The following SLC13A1 variants were observed in gnomAD, a reference collection of about 807,000 sequenced individuals.
SLC13A1 encodes solute carrier family 13 member 1.
SLC13A1 carries 65 observed loss-of-function variants against 70.0 expected under a neutral mutation model. The ratio of observed to expected loss-of-function variants is 0.93; its 90% CI spans 0.76 to 1.14. SLC13A1 has a LOEUF of 1.14. SLC13A1 is among the 50% of genes most tolerant of loss of function. The pLI is 0.00. For missense variants in SLC13A1, 726 were observed against 717.8 expected, an observed-to-expected ratio of 1.01 and a Z score of -0.13; for synonymous variants, 275 against 250.5, an observed-to-expected ratio of 1.10 and a Z score of -0.92.
At chr7:123,149,366 T>C in intron 6 of SLC13A1, 1 of 397,330 alleles carries the variant, frequency 2.5e-6, no homozygotes, top group South Asian at 1.8e-5. Flanking sequence ...TGTCAAACAC[T>C]AATCCGTTGA....
intron 1 of SLC13A1, among the ~76,000 whole-genome samples, chr7:123,184,506 C>T (rs1309362333): frequency 6.6e-6 from 1 of 152,052 alleles, no homozygotes; most frequent in African/African-American, 2.4e-5. Flanking sequence ...ACATCACATG[C>T]TATTTGTCTT....
At chr7:123,145,246 A>G (rs1056519217) in intron 7 of SLC13A1, among the ~76,000 whole-genome samples, 1 of 152,144 alleles carries the variant, frequency 6.6e-6, no homozygotes, top group Non-Finnish European at 1.5e-5. Context: ...TATCATCCCC[A>G]TTTTACAGAA....
chr7:123,168,541 T>G lies in SLC13A1; in HGVS notation c.574A>C (p.Ile192Leu), dbSNP rs1349536410. Residue 192 changes from isoleucine to leucine, a missense_variant, in exon 5 of 15, where the codon ATA becomes CTA. Physicochemically the swap from Ile to Leu is conservative, Grantham distance 5. Coordinates refer to ENST00000194130, the MANE Select transcript of SLC13A1 (RefSeq NM_022444.4). ...TTTGTTTTCTCTTTCCTCTCATTTATTTCATGTCCATTAACACTTTCTGCA... is the reference window on the plus strand; with the variant it reads ...TTTGTTTTCTCTTTCCTCTCATTTAGTTCATGTCCATTAACACTTTCTGCA... ...EIDESVNGHE[I>L]NERKEKTKPV... is the part of the protein sequence containing the mutation. 3 of 1,609,824 alleles carry G rather than the reference T, an allele frequency of 1.9e-6. No homozygotes were observed. The highest frequency in any genetic ancestry group is 1.7e-5 in the Admixed American group (1 of 59,922).
chr7:123,168,480 A>T (rs781013461), intron 5 of SLC13A1, 24 bp downstream of exon 5: 8 of 1,600,602 alleles, frequency 5.0e-6, no homozygotes, highest in Admixed American at 3.4e-5. Flanking sequence ...GAAAAATCCC[A>T]ATCAAAATGT....
At chr7:123,171,970 A>T in intron 2 of SLC13A1, 66 bp from the exon 3 acceptor site, 2 of 1,453,068 alleles carry the variant, frequency 1.4e-6, no homozygotes, top group Non-Finnish European at 1.9e-6. Context: ...CACAAGAAAG[A>T]CATTATTATG....
chr7:123,171,546 T>G (rs73719635), intron 3 of SLC13A1, among the ~76,000 whole-genome samples: 2,542 of 152,304 alleles, frequency 0.017, 66 homozygotes, highest in African/African-American at 0.058. Flanking sequence ...GTGCACGTAT[T>G]CCAAGCACCC....
At chr7:123,144,024 T>C (rs930009503) in intron 7 of SLC13A1, among the ~76,000 whole-genome samples, 1 of 152,138 alleles carries the variant, frequency 6.6e-6, no homozygotes, top group African/African-American at 2.4e-5. Context: ...ATTTTAGATA[T>C]ATTTGGAATA....
chr7:123,177,976 T>C (rs1236649183), intron 2 of SLC13A1, among the ~76,000 whole-genome samples: 1 of 151,948 alleles, frequency 6.6e-6, no homozygotes, highest in East Asian at 1.9e-4. Flanking sequence ...ATCTGTTGAA[T>C]AACTGAGTAA....
intron 1 of SLC13A1, among the ~76,000 whole-genome samples, chr7:123,183,034 C>T (rs969756583): frequency 7.2e-5 from 11 of 152,090 alleles, no homozygotes; most frequent in Non-Finnish European, 1.6e-4. Context: ...GATCCTTGCT[C>T]CTCATAATGC....
chr7:123,166,507 TA>T lies in SLC13A1; in HGVS notation c.660+1866del, dbSNP rs1159343504. On this transcript the variant is annotated intron_variant, in intron 6 of 14. Coordinates refer to ENST00000194130, the MANE Select transcript of SLC13A1 (RefSeq NM_022444.4). Reference sequence around the variant, plus strand: ...GTGCTGAACCCAGTAACTTGTCATTTAACATTAGGTATATCTCCTAATGCTA... The same window carrying T: ...GTGCTGAACCCAGTAACTTGTCATTTACATTAGGTATATCTCCTAATGCTA... Among the ~76,000 whole-genome samples the T allele has an allele frequency of 4.6e-5, 7 of 152,254 alleles. No individual in the cohort carries two copies. The South Asian group carries it at 1.0e-3, about 23-fold the overall frequency.
rs368536839 is a variant in SLC13A1 at position 123,171,925 on chromosome 7, G to A, written c.229-21C>T. Reference sequence around the variant, plus strand: ...GCCACCTGAAATAACAATTAAACCCGTGATTATTTACTTTGGTGGGGAAAA... The same window carrying A: ...GCCACCTGAAATAACAATTAAACCCATGATTATTTACTTTGGTGGGGAAAA... On this transcript the variant is annotated intron_variant, in intron 2 of 14. Transcript: ENST00000194130. The A allele has an allele frequency of 6.2e-6, 10 of 1,602,932 alleles. No homozygotes were observed. The East Asian group carries it at 6.8e-5, about 11-fold the overall frequency.
At chr7:123,165,174 G>A (rs1795029167) in intron 6 of SLC13A1, among the ~76,000 whole-genome samples, 1 of 151,784 alleles carries the variant, frequency 6.6e-6, no homozygotes, top group African/African-American at 2.4e-5. Flanking sequence ...ACCTATAATT[G>A]TTAAAAATCA....
intron 2 of SLC13A1, among the ~76,000 whole-genome samples, chr7:123,179,132 T>C (rs1795553660): frequency 6.6e-6 from 1 of 151,836 alleles, no homozygotes; most frequent in African/African-American, 2.4e-5. Flanking sequence ...TGGGAAGAAA[T>C]AAGGAGGAAA....
In SLC13A1 at chr7:123,115,093, C is replaced by T; in HGVS notation, c.*425G>A. Reference sequence around the variant, plus strand: ...GAACAACAATGCAGAAATGATTTATCCAAGTACCGAATTAACTTGTATATC... The same window carrying T: ...GAACAACAATGCAGAAATGATTTATTCAAGTACCGAATTAACTTGTATATC... On this transcript the variant is annotated 3_prime_UTR_variant, in exon 15 of 15. Transcript: ENST00000194130. 1 of 152,992 alleles carries T rather than the reference C, an allele frequency of 6.5e-6. No homozygotes were observed. The highest frequency in any genetic ancestry group is 1.5e-5 in the Non-Finnish European group (1 of 68,506). The allele number at this position is 152,992 out of a possible 1,614,324, so 9.5% of individuals were successfully genotyped here. A position where few individuals can be genotyped will look rare whatever the true frequency, so the allele number is the denominator to read the frequency against.
chr7:123,141,496 T>C (rs1341746337), intron 7 of SLC13A1, among the ~76,000 whole-genome samples: 1 of 152,152 alleles, frequency 6.6e-6, no homozygotes, highest in Non-Finnish European at 1.5e-5. Context: ...CATCTAATGC[T>C]GAAGGTGGGG....
chr7:123,128,681 C>T (rs1226096735), intron 10 of SLC13A1, among the ~76,000 whole-genome samples, 164 bp downstream of exon 10: 1 of 152,146 alleles, frequency 6.6e-6, no homozygotes, highest in Non-Finnish European at 1.5e-5. Context: ...TCCTAGATTT[C>T]ATTCCTTATA....
intron 8 of SLC13A1, among the ~76,000 whole-genome samples, chr7:123,134,190 G>A (rs1308583764): frequency 1.3e-5 from 2 of 152,044 alleles, no homozygotes; most frequent in Non-Finnish European, 2.9e-5. Flanking sequence ...ACCGCAGCTG[G>A]CCCCTTTCTA....
intron 10 of SLC13A1, among the ~76,000 whole-genome samples, chr7:123,128,484 C>T (rs78461019): frequency 7.1e-4 from 108 of 151,362 alleles, no homozygotes; most frequent in African/African-American, 2.6e-3. Flanking sequence ...GAAAGGAACC[C>T]AAGCAGTGTG....
chr7:123,168,342 A>G (rs1795139041), intron 6 of SLC13A1, 32 bp downstream of exon 6: 2 of 1,389,542 alleles, frequency 1.4e-6, no homozygotes, highest in African/African-American at 1.4e-5. Context: ...AATTTTGTAT[A>G]TAATTATTTA....
Sources: gnomAD v4.1 joint callset for allele counts (sites outside exome capture counted in the v4.1 genomes callset) on GRCh38, gnomAD v4.1.1 for gene constraint, MANE v1.5 for transcripts, NCBI Gene and HGNC (gene_info 2026-07-23, HGNC 2026-07-21) for gene names.